STOX2: variants seen among roughly 807,000 people sequenced by gnomAD.
STOX2 encodes storkhead box 2, also known as storkhead-box protein 2.
STOX2 carries 28 observed loss-of-function variants against 60.9 expected under a neutral mutation model. The ratio of observed to expected loss-of-function variants is 0.46; its 90% CI spans 0.34 to 0.63. STOX2 has a LOEUF of 0.63. Among genes scored for constraint, STOX2 ranks in the 30% least tolerant of loss-of-function variants. The probability of loss-of-function intolerance (pLI) is 0.01; values close to 1 mark genes in which losing one functional copy is unlikely to be tolerated. For missense variants in STOX2, 1,024 were observed against 1,187.7 expected, an observed-to-expected ratio of 0.86 and a Z score of 2.03; for synonymous variants, 472 against 463.9, an observed-to-expected ratio of 1.02 and a Z score of -0.22.
At chr4:184,014,406 A>G (rs1057466559) in intron 3 of STOX2, 2 of 152,194 alleles carry the variant, frequency 1.3e-5, no homozygotes, top group Non-Finnish European at 2.9e-5. Flanking sequence ...AAAGGCTGCC[A>G]GGGGTATATC....
intron 1 of STOX2, among the ~76,000 whole-genome samples, chr4:183,849,542 C>T (rs891553441): frequency 6.6e-6 from 1 of 152,178 alleles, no homozygotes; most frequent in Non-Finnish European, 1.5e-5. Context: ...AGCTGGCTGG[C>T]TTTATCTAAA....
At chr4:183,986,788 C>T (rs1488381688) in intron 1 of STOX2, among the ~76,000 whole-genome samples, 1 of 152,216 alleles carries the variant, frequency 6.6e-6, no homozygotes, top group Non-Finnish European at 1.5e-5. Context: ...TTGCCAGAGC[C>T]TGAGCTCTGT....
At chr4:183,914,860 G>A (rs1452688625) in intron 1 of STOX2, among the ~76,000 whole-genome samples, 1 of 152,120 alleles carries the variant, frequency 6.6e-6, no homozygotes, top group African/African-American at 2.4e-5. Context: ...TTAATTCTTG[G>A]ATTTGTTTTA....
In STOX2 at chr4:183,821,485, C is replaced by T. The variant is rs188221445; in HGVS notation, c.364+23430C>T. Among the ~76,000 whole-genome samples the T allele has an allele frequency of 6.6e-6, 1 of 152,336 alleles. No homozygotes were observed. The highest frequency in any genetic ancestry group is 1.9e-4 in the East Asian group (1 of 5,186). On this transcript the variant is annotated intron_variant, in intron 1 of 2. Transcript: ENST00000513034. This position sits in a 1 kb window ranked among gnomAD's most constrained non-coding sequence, Gnocchi z 4.2. The stretch of plus-strand genomic sequence containing the variant: ...TCTTCTACCTGCTGGATATTTTCAC[C>T]CATGACCCTTAAGAGAATGCGGGTG...
intron 1 of STOX2, among the ~76,000 whole-genome samples, chr4:183,951,104 T>C (rs980247697): frequency 3.3e-5 from 5 of 151,010 alleles, no homozygotes; most frequent in South Asian, 4.2e-4. Flanking sequence ...TAGTCCCAGC[T>C]ACTCGGGAGG....
At position 183,856,690 on chromosome 4, in the gene STOX2, C is replaced by T. The variant is rs140490201; in HGVS notation, c.364+58635C>T. The stretch of plus-strand genomic sequence containing the variant: ...CCCCGGGGGATGATAGCTCCCTTGC[C>T]CAAGAATAATGGGGTGTTTTGTTGT... On this transcript the variant is annotated intron_variant, in intron 1 of 2. Transcript: ENST00000513034. The surrounding 1 kb of genome is among the most constrained non-coding windows in gnomAD (Gnocchi z 4.0). 1.2e-3 allele frequency among the ~76,000 whole-genome samples: 182 copies of T among 152,198 alleles called. No individual in the cohort carries two copies. Among genetic ancestry groups the T allele is most frequent in the African/African-American group, 4.1e-3 (171 of 41,530 alleles).
intron 1 of STOX2, among the ~76,000 whole-genome samples, chr4:183,895,294 A>T (rs767847891): frequency 6.6e-6 from 1 of 152,244 alleles, no homozygotes; most frequent in African/African-American, 2.4e-5. Context: ...ATTCTTATCT[A>T]TAAATGGATA....
Position 184,010,658 on chromosome 4 carries a change from G to A in STOX2, c.1820G>A (p.Ser607Asn), listed in dbSNP as rs758036954. The change falls in exon 3 of 4, where the codon AGT (serine) becomes AAT (asparagine). Residue 607 changes from serine to asparagine, a missense_variant. Ser to Asn is a conservative substitution (Grantham distance 46). This residue lies in a region of STOX2 where 922 missense variants were observed against 1,058.3 expected (regional missense o/e 0.87). Transcript: ENST00000308497. This position sits in a 1 kb window ranked among gnomAD's most constrained non-coding sequence, Gnocchi z 4.5. ...TDDYFQCNTS[S>N]ETVLTAPSPL... ...GACTATTTCCAGTGCAACACCTCTA[G>A]TGAGACGGTGCTCACGGCACCATCA... 8.1e-6 allele frequency: 13 copies of A among 1,613,912 alleles called. No individual in the cohort carries two copies. In the Admixed American group the frequency reaches 2.2e-4, roughly 27 times the overall value.
At chr4:183,961,356 T>TTGC (rs755147300) in intron 1 of STOX2, among the ~76,000 whole-genome samples, 2,738 of 151,694 alleles carry the variant, frequency 0.018, 66 homozygotes, top group African/African-American at 0.058. Context: ...CAAGTGATGG[T>TTGC]TGCTGCTGCT....
At chr4:183,887,611 C>T (rs905325765) in intron 1 of STOX2, among the ~76,000 whole-genome samples, 2 of 152,218 alleles carry the variant, frequency 1.3e-5, no homozygotes, top group Non-Finnish European at 2.9e-5. Flanking sequence ...TAGGAGAGAG[C>T]TCTGTTTCCC....
chr4:183,873,003 C>T (rs1315596610), intron 1 of STOX2, among the ~76,000 whole-genome samples: 1 of 152,158 alleles, frequency 6.6e-6, no homozygotes, highest in African/African-American at 2.4e-5. Flanking sequence ...GTGAATGTTA[C>T]TTCTCAGATT....
intron 1 of STOX2, among the ~76,000 whole-genome samples, chr4:183,840,080 G>A (rs969481211): frequency 2.0e-5 from 3 of 152,050 alleles, no homozygotes; most frequent in African/African-American, 7.3e-5. Context: ...TGGTTGTGGG[G>A]GCAAGAACTA....
At chr4:183,933,814 C>G (rs949521454) in intron 1 of STOX2, among the ~76,000 whole-genome samples, 1 of 152,132 alleles carries the variant, frequency 6.6e-6, no homozygotes, top group African/African-American at 2.4e-5. Context: ...TTATACTCAG[C>G]TTCATCCTGC....
intron 1 of STOX2, among the ~76,000 whole-genome samples, chr4:183,930,841 T>C (rs1010645825): frequency 6.6e-6 from 1 of 152,360 alleles, no homozygotes; most frequent in East Asian, 1.9e-4. Flanking sequence ...TCTACAAATT[T>C]TCTTTTTTTC....
intron 1 of STOX2, among the ~76,000 whole-genome samples, chr4:183,891,358 TTATATATATATATA>T (rs60300009): frequency 0.082 from 6,942 of 84,926 alleles, 365 homozygotes; most frequent in East Asian, 0.1. Context: ...ATGATGGAAT[TTATATATATATATA>T]TATATATATA....
intron 1 of STOX2, among the ~76,000 whole-genome samples, chr4:183,868,309 G>A (rs752804362): frequency 2.0e-5 from 3 of 152,140 alleles, no homozygotes; most frequent in Non-Finnish European, 2.9e-5. Context: ...ACCTGTAACC[G>A]CAGCACTGTG....
intron 1 of STOX2, among the ~76,000 whole-genome samples, chr4:183,951,542 C>A (rs1743093478): frequency 6.6e-6 from 1 of 150,538 alleles, no homozygotes. Flanking sequence ...CCTCCACCTC[C>A]CGGGTACAAG....
chr4:183,802,019 A>C (rs1441408425), intron 1 of STOX2, among the ~76,000 whole-genome samples: 1 of 152,202 alleles, frequency 6.6e-6, no homozygotes, highest in South Asian at 2.1e-4. Flanking sequence ...TACCCGAAGA[A>C]AGACACCATT....
Position 184,010,237 on chromosome 4 carries a change from G to C in STOX2, c.1399G>C (p.Val467Leu). Residue 467 changes from valine (V) to leucine (L), a missense_variant, in exon 3 of 4, where the codon GTG becomes CTG. By Grantham distance (32) the Val-to-Leu change is conservative (BLOSUM62 1). Coordinates refer to ENST00000308497, the MANE Select transcript of STOX2 (RefSeq NM_020225.3). This position sits in a 1 kb window ranked among gnomAD's most constrained non-coding sequence, Gnocchi z 4.5. The stretch of plus-strand genomic sequence containing the variant: ...TTCTAGGGGAAGCTCCCACTCAAAA[G>C]TGCACCGAAGCCACAGCCATACACA... ...EPSRGSSHSKVHRSHSHTQDR... is the reference protein window; with the variant it reads ...EPSRGSSHSKLHRSHSHTQDR... 1 of 1,559,268 alleles carries C rather than the reference G, an allele frequency of 6.4e-7. No homozygotes were observed. The highest frequency in any genetic ancestry group is 1.7e-4 in the Middle Eastern group (1 of 6,004).
Sources: allele counts gnomAD v4.1 joint callset (sites outside exome capture counted in the v4.1 genomes callset), GRCh38; gene constraint gnomAD v4.1.1; regional missense constraint gnomAD v4.1.1; non-coding constraint Gnocchi (gnomAD v3.1); transcripts MANE v1.5; gene names NCBI Gene and HGNC (gene_info 2026-07-23, HGNC 2026-07-21).